WDR7: variants seen among roughly 807,000 people sequenced by gnomAD.
The protein encoded by WDR7 is WD repeat-containing protein 7.
Under a neutral mutation model 169.4 loss-of-function variants are expected in WDR7, and 46 were observed. That is an observed-to-expected ratio of 0.27 (90% CI 0.21 to 0.35). The LOEUF (loss-of-function observed/expected upper bound fraction) is 0.35. Ranked by LOEUF, WDR7 falls within the 10% of genes least tolerant of loss-of-function variation. The probability of loss-of-function intolerance (pLI) is 1.00; values close to 1 mark genes in which losing one functional copy is unlikely to be tolerated. For synonymous variants in WDR7, 612 were observed against 666.8 expected (o/e 0.92, Z 1.27); for missense variants, 1,534 against 1,859.3 (o/e 0.83, Z 3.22).
Position 56,955,403 on chromosome 18 carries a change from A to G in WDR7, c.4065-7027A>G, listed in dbSNP as rs368258863. On this transcript the variant is annotated intron_variant, in intron 25 of 27. Coordinates refer to ENST00000254442, the MANE Select transcript of WDR7 (RefSeq NM_015285.3). Reference sequence around the variant, plus strand: ...TTTCAGCCTGTTTGAAATGCTACAGAAAAGTGTTTCAGACCAAATCCCTAT... The same window carrying G: ...TTTCAGCCTGTTTGAAATGCTACAGGAAAGTGTTTCAGACCAAATCCCTAT... 1.8e-4 allele frequency among the ~76,000 whole-genome samples: 28 copies of G among 152,302 alleles called. No homozygotes were observed. In the East Asian group the frequency reaches 5.0e-3, roughly 27 times the overall value.
intron 22 of WDR7, 68 bp downstream of exon 22, chr18:56,924,176 T>C: frequency 6.4e-7 from 1 of 1,560,390 alleles, no homozygotes; most frequent in South Asian, 1.2e-5. Context: ...TTGGTGGGTT[T>C]ATTGATCATT....
intron 16 of WDR7, among the ~76,000 whole-genome samples, chr18:56,765,628 A>G (rs1353251116): frequency 6.6e-6 from 1 of 152,154 alleles, no homozygotes; most frequent in Non-Finnish European, 1.5e-5. Flanking sequence ...TTTAACAGTA[A>G]TTATATTTTA....
intron 20 of WDR7, among the ~76,000 whole-genome samples, chr18:56,836,905 T>C (rs1334484140): frequency 6.6e-6 from 1 of 152,244 alleles, no homozygotes; most frequent in Admixed American, 6.5e-5. Context: ...CTTCTGCATA[T>C]TTTTACAGTT....
At chr18:57,008,447 C>T (rs1460577173) in intron 26 of WDR7, among the ~76,000 whole-genome samples, 1 of 152,194 alleles carries the variant, frequency 6.6e-6, no homozygotes, top group Non-Finnish European at 1.5e-5. Context: ...CCATAGCTGC[C>T]TTTCTGCCTC....
At chr18:56,786,604 T>A (rs1302191809) in intron 19 of WDR7, among the ~76,000 whole-genome samples, 4 of 152,008 alleles carry the variant, frequency 2.6e-5, no homozygotes, top group African/African-American at 9.6e-5. Context: ...TTGTTTCAGA[T>A]AATGGTGCTC....
intron 14 of WDR7, among the ~76,000 whole-genome samples, chr18:56,755,365 T>G (rs900012557): frequency 7.9e-5 from 12 of 152,344 alleles, no homozygotes; most frequent in Admixed American, 6.5e-5. Context: ...GGAAATTTTT[T>G]GGTAGAGTGA....
intron 21 of WDR7, among the ~76,000 whole-genome samples, chr18:56,898,116 T>C (rs1419983288): frequency 6.6e-6 from 1 of 151,988 alleles, no homozygotes; most frequent in Non-Finnish European, 1.5e-5. Context: ...TTAAAAAGGA[T>C]AGGGGCACGT....
At chr18:56,923,225 T>C (rs1160074742) in intron 21 of WDR7, among the ~76,000 whole-genome samples, 1 of 152,232 alleles carries the variant, frequency 6.6e-6, no homozygotes, top group Non-Finnish European at 1.5e-5. Context: ...TGTGGCTTAA[T>C]AGCCACTAGA....
At chr18:56,857,914 C>G (rs2045747285) in intron 20 of WDR7, among the ~76,000 whole-genome samples, 1 of 152,022 alleles carries the variant, frequency 6.6e-6, no homozygotes, top group South Asian at 2.1e-4. Flanking sequence ...CTGTGACTCC[C>G]TTTTTTAACT....
chr18:56,855,235 T>G (rs1480779023), intron 20 of WDR7, among the ~76,000 whole-genome samples: 1 of 21,078 alleles, frequency 4.7e-5, no homozygotes, highest in Non-Finnish European at 3.8e-4. Flanking sequence ...CTTTTGCCTG[T>G]TTTTTTTTCC....
At chr18:57,007,618 G>T (rs1241543092) in intron 26 of WDR7, among the ~76,000 whole-genome samples, 1 of 152,006 alleles carries the variant, frequency 6.6e-6, no homozygotes, top group Admixed American at 6.6e-5. Context: ...AAGCAATTTT[G>T]TTATTAACTA....
At chr18:56,769,331 T>C (rs2044117192) in intron 16 of WDR7, among the ~76,000 whole-genome samples, 1 of 151,958 alleles carries the variant, frequency 6.6e-6, no homozygotes, top group Non-Finnish European at 1.5e-5. Context: ...TCTTGAATAG[T>C]TGGGACTATA....
chr18:56,756,468 C>A (rs565489102), intron 14 of WDR7, 115 bp from the exon 15 acceptor site: 16 of 956,026 alleles, frequency 1.7e-5, no homozygotes, highest in Non-Finnish European at 2.2e-5. Flanking sequence ...ATATAGGTTC[C>A]TAGAAGGACA....
At chr18:56,971,463 G>A (rs567456437) in intron 26 of WDR7, among the ~76,000 whole-genome samples, 1 of 152,196 alleles carries the variant, frequency 6.6e-6, no homozygotes, top group East Asian at 1.9e-4. Context: ...AGATCAAAAA[G>A]TAAATATGAA....
In WDR7 at chr18:56,781,581, G is replaced by C; in HGVS notation, c.3115G>C (p.Glu1039Gln). The C allele has an allele frequency of 3.1e-6, 5 of 1,612,660 alleles. No individual in the cohort carries two copies. Among genetic ancestry groups the C allele is most frequent in the Non-Finnish European group, 3.4e-6 (4 of 1,179,294 alleles). The change falls in exon 19 of 28, where the codon GAG becomes CAG. Residue 1039 changes from glutamate (E) to glutamine (Q), a missense_variant. Coordinates refer to ENST00000254442, the MANE Select transcript of WDR7 (RefSeq NM_015285.3). ...ALLLAELRRIEQAGRKEAIDA... is the reference protein window; with the variant it reads ...ALLLAELRRIQQAGRKEAIDA... ...GCTTCTGGCGGAACTGAGAAGAATT[G>C]AGCAGGCAGGCAGGAAGGAAGCCAT...
intron 21 of WDR7, among the ~76,000 whole-genome samples, chr18:56,890,589 G>C (rs1485468636): frequency 6.6e-6 from 1 of 152,142 alleles, no homozygotes; most frequent in Non-Finnish European, 1.5e-5. Context: ...AATAGCAAAA[G>C]AACAGATATT....
intron 21 of WDR7, among the ~76,000 whole-genome samples, chr18:56,909,716 C>T (rs1285964644): frequency 2.0e-5 from 3 of 151,962 alleles, no homozygotes; most frequent in Non-Finnish European, 4.4e-5. Flanking sequence ...TTTTGGTTTA[C>T]AGTATTCTTT....
intron 20 of WDR7, among the ~76,000 whole-genome samples, chr18:56,824,260 C>A (rs1383249300): frequency 6.6e-6 from 1 of 152,164 alleles, no homozygotes; most frequent in Non-Finnish European, 1.5e-5. Flanking sequence ...CTTCATGGAT[C>A]CTATCTGGAC....
At chr18:57,025,728 C>G (rs2048358219) in intron 27 of WDR7, among the ~76,000 whole-genome samples, 1 of 152,148 alleles carries the variant, frequency 6.6e-6, no homozygotes, top group Non-Finnish European at 1.5e-5. Context: ...CCTGCACACA[C>G]TCTGCTAGAG....
Sources: allele counts gnomAD v4.1 joint callset (sites outside exome capture counted in the v4.1 genomes callset), GRCh38; gene constraint gnomAD v4.1.1; transcripts MANE v1.5; gene names NCBI Gene and HGNC (gene_info 2026-07-23, HGNC 2026-07-21).